Variants in RB1CC1 observed in about 807,000 individuals in gnomAD.
The protein encoded by RB1CC1 is RB1-inducible coiled-coil protein 1.
RB1CC1 carries 46 observed loss-of-function variants against 177.5 expected under a neutral mutation model. That is an observed-to-expected ratio of 0.26 (90% CI 0.20 to 0.33). The LOEUF is 0.33. Among genes scored for constraint, RB1CC1 ranks in the 10% least tolerant of loss-of-function variants. The probability of loss-of-function intolerance (pLI) is 1.00; values close to 1 mark genes in which losing one functional copy is unlikely to be tolerated. For missense variants in RB1CC1, 1,703 were observed against 1,816.3 expected (o/e 0.94, Z 1.13); for synonymous variants, 666 against 613.6 (o/e 1.09, Z -1.26).
intron 22 of RB1CC1, among the ~76,000 whole-genome samples, chr8:52,627,237 C>T (rs577055848): frequency 1.3e-5 from 2 of 152,224 alleles, no homozygotes; most frequent in Admixed American, 6.5e-5. Context: ...ATTCCAGCTA[C>T]TCGGGAAGCT....
intron 15 of RB1CC1, 114 bp from the exon 16 acceptor site, chr8:52,645,981 A>T: frequency 1.9e-6 from 2 of 1,032,844 alleles, no homozygotes; most frequent in Non-Finnish European, 2.9e-6. Flanking sequence ...AGCATGAAAG[A>T]TATCTGTGTG....
chr8:52,638,064 C>G (rs566860394), intron 18 of RB1CC1, among the ~76,000 whole-genome samples: 4 of 152,138 alleles, frequency 2.6e-5, no homozygotes, highest in Non-Finnish European at 5.9e-5. Flanking sequence ...CCATCTTCAT[C>G]TTGATTTTAG....
chr8:52,642,979 G>T, intron 16 of RB1CC1, 167 bp from the exon 17 acceptor site: 1 of 748,910 alleles, frequency 1.3e-6, no homozygotes, highest in Non-Finnish European at 1.9e-6. Flanking sequence ...CTGTGGCAAA[G>T]GTTCTACTTT....
At chr8:52,633,293 C>T (rs1322026772) in intron 20 of RB1CC1, among the ~76,000 whole-genome samples, 1 of 152,174 alleles carries the variant, frequency 6.6e-6, no homozygotes, top group African/African-American at 2.4e-5. Flanking sequence ...AATTAATCTA[C>T]AAACATATGC....
intron 1 of RB1CC1, among the ~76,000 whole-genome samples, chr8:52,687,871 T>C (rs1471333098): frequency 6.6e-6 from 1 of 152,172 alleles, no homozygotes; most frequent in Admixed American, 6.5e-5. Context: ...CAATAGATGA[T>C]TAATATAACA....
At chr8:52,646,152 C>A (rs1850005966) in intron 15 of RB1CC1, among the ~76,000 whole-genome samples, 1 of 152,264 alleles carries the variant, frequency 6.6e-6, no homozygotes, top group Admixed American at 6.5e-5. Context: ...GGCTGCTCTG[C>A]CCATGGAGTA....
In RB1CC1 at chr8:52,642,432, C is replaced by T. The variant is rs370877989; in HGVS notation, c.4256G>A (p.Gly1419Asp). ...LYGACAPELP[G>D]ESDRSAVETA... ...TTCCACAGCGGATCTATCTGATTCA[C>T]CTGGGAGTTCAGGTGCACAAGCTCC... is the stretch of plus-strand genomic sequence containing the variant. The change falls in exon 18 of 24, where the codon GGT (glycine) becomes GAT (aspartate). Residue 1419 changes from glycine to aspartate, a missense_variant. Gly to Asp is a moderately conservative substitution (Grantham distance 94, BLOSUM62 -1). Coordinates refer to ENST00000025008, the MANE Select transcript of RB1CC1 (RefSeq NM_014781.5). The T allele has an allele frequency of 1.2e-6, 2 of 1,613,938 alleles. No individual in the cohort carries two copies. Among genetic ancestry groups the T allele is most frequent in the African/African-American group, 2.7e-5 (2 of 74,910 alleles).
chr8:52,681,917 T>C (rs1853776531), intron 5 of RB1CC1, among the ~76,000 whole-genome samples: 1 of 152,160 alleles, frequency 6.6e-6, no homozygotes, highest in Non-Finnish European at 1.5e-5. Context: ...TAGGGCAGTG[T>C]AGAAGGAAAA....
chr8:52,669,912 G>A (rs1166662103), intron 7 of RB1CC1, among the ~76,000 whole-genome samples: 1 of 152,086 alleles, frequency 6.6e-6, no homozygotes, highest in Non-Finnish European at 1.5e-5. Flanking sequence ...GACAAACATA[G>A]GAGAGTATTT....
rs749905115 is a variant in RB1CC1, at chr8:52,630,496, C to T, written c.4473G>A (p.Arg1491=). The T allele has an allele frequency of 1.6e-5, 26 of 1,582,418 alleles. No homozygotes were observed. The South Asian group carries it at 3.0e-4, about 18-fold the overall frequency. The part of the protein sequence containing the change: ...MSQSMSSVSS[R]HSEKIAIRDF... ...CTCTAATAGCTATCTTTTCAGAATG[C>T]CTTGAAGATACTGAAGACATGCTCT... is the stretch of plus-strand genomic sequence containing the variant. Residue 1491 remains arginine, a synonymous_variant, in exon 21 of 24, where the codon AGG becomes AGA. Coordinates refer to ENST00000025008, the MANE Select transcript of RB1CC1 (RefSeq NM_014781.5).
chr8:52,636,376 A>G (rs1849143517), intron 18 of RB1CC1, among the ~76,000 whole-genome samples: 1 of 152,164 alleles, frequency 6.6e-6, no homozygotes, highest in African/African-American at 2.4e-5. Flanking sequence ...GAGTGAATCC[A>G]TGATAAAGTC....
rs1851163167 is a variant in RB1CC1, at chr8:52,657,239, G to C, written c.2590C>G (p.Gln864Glu). ...SLEITLKEKH[Q>E]KELLSLKNEY... Reference sequence around the variant, plus strand: ...TTTTTTAAAGACAGTAGTTCTTTTTGATGTTTTTCTTTTAGTGTTATTTCC... The same window carrying C: ...TTTTTTAAAGACAGTAGTTCTTTTTCATGTTTTTCTTTTAGTGTTATTTCC... Residue 864 changes from glutamine (Q) to glutamate (E), a missense_variant, in exon 15 of 24, where the codon CAA (glutamine) becomes GAA (glutamate). Physicochemically the swap from Gln to Glu is conservative, Grantham distance 29. Coordinates refer to ENST00000025008, the MANE Select transcript of RB1CC1 (RefSeq NM_014781.5). 15 of 1,593,212 alleles carry C rather than the reference G, an allele frequency of 9.4e-6. No homozygotes were observed. The East Asian group carries it at 3.4e-4, about 36-fold the overall frequency.
chr8:52,679,926 GA>G (rs1477062792), intron 5 of RB1CC1, among the ~76,000 whole-genome samples: 1 of 152,030 alleles, frequency 6.6e-6, no homozygotes, highest in Admixed American at 6.5e-5. Flanking sequence ...TTTGTCCAAG[GA>G]GAAGGACAAA....
At chr8:52,627,057 A>C (rs2150369203) in intron 22 of RB1CC1, among the ~76,000 whole-genome samples, 1 of 152,144 alleles carries the variant, frequency 6.6e-6, no homozygotes, top group Non-Finnish European at 1.5e-5. Context: ...CTTGTCTTAA[A>C]GAAAAAAAAG....
intron 16 of RB1CC1, among the ~76,000 whole-genome samples, chr8:52,644,438 G>A (rs1011632121): frequency 2.6e-5 from 4 of 152,088 alleles, no homozygotes; most frequent in Non-Finnish European, 4.4e-5. Context: ...GCTTATAAGA[G>A]AACACACAAA....
At chr8:52,682,947 G>A (rs553119604) in intron 5 of RB1CC1, among the ~76,000 whole-genome samples, 1 of 152,156 alleles carries the variant, frequency 6.6e-6, no homozygotes, top group Non-Finnish European at 1.5e-5. Context: ...GTTCAGTAAT[G>A]TTATTTATTT....
At chr8:52,676,665 G>A (rs1160677356) in intron 5 of RB1CC1, 94 bp from the exon 6 acceptor site, 8 of 1,071,208 alleles carry the variant, frequency 7.5e-6, no homozygotes, top group South Asian at 5.7e-5. Context: ...GTGTGGATGC[G>A]TTGTAGAGCA....
chr8:52,658,153 T>A (rs1224926900), intron 13 of RB1CC1, 29 bp from the exon 14 acceptor site: 1 of 1,590,924 alleles, frequency 6.3e-7, no homozygotes, highest in Non-Finnish European at 8.5e-7. Flanking sequence ...CAATTAGACT[T>A]CTGATTTTTT....
chr8:52,690,521 T>C (rs1854747432), intron 1 of RB1CC1, among the ~76,000 whole-genome samples: 1 of 152,168 alleles, frequency 6.6e-6, no homozygotes, highest in Non-Finnish European at 1.5e-5. Flanking sequence ...ACTTTAGATT[T>C]ATGTGATCAA....
Sources: gnomAD v4.1 joint callset for allele counts (sites outside exome capture counted in the v4.1 genomes callset) on GRCh38, gnomAD v4.1.1 for gene constraint, MANE v1.5 for transcripts, NCBI Gene and HGNC (gene_info 2026-07-23, HGNC 2026-07-21) for gene names.